ZFHX2: variants seen among roughly 807,000 people sequenced by gnomAD.
ZFHX2 encodes the protein zinc finger homeobox protein 2.
A neutral mutation model predicts 164.8 loss-of-function variants in ZFHX2; 75 were observed. The ratio of observed to expected loss-of-function variants is 0.46; its 90% CI spans 0.38 to 0.55. ZFHX2 has a LOEUF of 0.55. Ranked by LOEUF, ZFHX2 falls within the 20% of genes least tolerant of loss-of-function variation. The pLI, the probability that ZFHX2 is intolerant of heterozygous loss-of-function variation, is 0.00. For missense variants in ZFHX2, 2,933 were observed against 3,308.0 expected, an observed-to-expected ratio of 0.89 and a Z score of 2.78; for synonymous variants, 1,217 against 1,351.4, an observed-to-expected ratio of 0.90 and a Z score of 2.18.
intron 1 of ZFHX2, among the ~76,000 whole-genome samples, chr14:23,550,564 C>G (rs1881843012): frequency 6.6e-6 from 1 of 152,134 alleles, no homozygotes; most frequent in South Asian, 2.1e-4. Context: ...AACAGCAAAA[C>G]CAAAAGTCAG....
chr14:23,525,880 T>C lies in ZFHX2; in HGVS notation c.4062A>G (p.Ser1354=). 4.8e-6 allele frequency: 7 copies of C among 1,444,594 alleles called. No homozygotes were observed. The highest frequency in any genetic ancestry group is 6.3e-6 in the Non-Finnish European group (7 of 1,107,778). The allele number at this position is 1,444,594 out of a possible 1,614,324, so 89.5% of individuals were successfully genotyped here. A position where few individuals can be genotyped will look rare whatever the true frequency, so the allele number is the denominator to read the frequency against. ...GCTGCTGCTGCTGGAGCTTAAGCAG[T>C]GATTCGGGCACCAGAGGGAAGGGGG... is the stretch of plus-strand genomic sequence containing the variant. The part of the protein sequence containing the change: ...VLPPFPLVPE[S]LLKLQQQQLL... Residue 1354 remains serine (S), a synonymous_variant, in exon 9 of 10, where the codon TCA becomes TCG. Coordinates refer to ENST00000419474, the MANE Select transcript of ZFHX2 (RefSeq NM_033400.3). The surrounding 1 kb of genome is among the most constrained non-coding windows in gnomAD (Gnocchi z 5.9).
rs1483635009 is a variant in ZFHX2 at position 23,535,680 on chromosome 14, C to T, written c.-49-306G>A. Among the ~76,000 whole-genome samples, 1 of 152,056 alleles carries T rather than the reference C, an allele frequency of 6.6e-6. No homozygotes were observed. Among genetic ancestry groups the T allele is most frequent in the East Asian group, 1.9e-4 (1 of 5,194 alleles). ...TGATCTCGGCTCACCGCAACCTCCA[C>T]CTCCTGGGTTCAAGTGATTCTCCTG... On this transcript the variant is annotated intron_variant, in intron 1 of 9. Coordinates refer to ENST00000419474, the MANE Select transcript of ZFHX2 (RefSeq NM_033400.3). This position sits in a 1 kb window ranked among gnomAD's most constrained non-coding sequence, Gnocchi z 4.5.
rs749177898 is a variant in ZFHX2 at position 23,526,621 on chromosome 14, G to A, written c.3321C>T (p.Ala1107=). 2.0e-6 allele frequency: 3 copies of A among 1,535,870 alleles called. No homozygotes were observed. The highest frequency in any genetic ancestry group is 2.6e-6 in the Non-Finnish European group (3 of 1,146,870). The change falls in exon 9 of 10, where the codon GCC becomes GCT. Residue 1107 remains alanine (A), a synonymous_variant. Coordinates refer to ENST00000419474, the MANE Select transcript of ZFHX2 (RefSeq NM_033400.3). ...AGGGTTTGTCTGGGACCTCAACTGA[G>A]GCCAGGGGAGGCTCAGGAAGAGGAT... is the stretch of plus-strand genomic sequence containing the variant. ...SPDPLPEPPL[A]SVEVPDKPSG... is the part of the protein sequence containing the mutation.
chr14:23,550,657 A>C (rs1479743261), intron 1 of ZFHX2, among the ~76,000 whole-genome samples: 1 of 152,148 alleles, frequency 6.6e-6, no homozygotes, highest in Non-Finnish European at 1.5e-5. Context: ...GGCTGCTCAG[A>C]GGGGCAGACG....
At chr14:23,527,900 C>CA in intron 6 of ZFHX2, 96 bp from the exon 7 acceptor site, 1 of 808,460 alleles carries the variant, frequency 1.2e-6, no homozygotes, top group Non-Finnish European at 1.8e-6. Flanking sequence ...CGCCCCCACT[C>CA]CTTTTTTTTT....
chr14:23,535,153 C>A lies in ZFHX2; in HGVS notation c.173G>T (p.Gly58Val), dbSNP rs990156223. 2 of 1,535,882 alleles carry A rather than the reference C, an allele frequency of 1.3e-6. No individual in the cohort carries two copies. The highest frequency in any genetic ancestry group is 2.4e-5 in the East Asian group (1 of 40,898). ...SENMRSSEPG[G>V]QLLESGCGLV... ...GCCACAGCCCGACTCCAGGAGCTGTCCCCCTGGCTCTGAGGACCTCATGTT... is the reference window on the plus strand; with the variant it reads ...GCCACAGCCCGACTCCAGGAGCTGTACCCCTGGCTCTGAGGACCTCATGTT... Residue 58 changes from glycine (G) to valine (V), a missense_variant, in exon 2 of 10, where the codon GGA becomes GTA. Coordinates refer to ENST00000419474, the MANE Select transcript of ZFHX2 (RefSeq NM_033400.3). The surrounding 1 kb of genome is among the most constrained non-coding windows in gnomAD (Gnocchi z 4.5).
In ZFHX2 at chr14:23,524,399, CCCCCTGCTT is replaced by C; in HGVS notation, c.5534_5542del (p.Glu1845_Gly1847del). 1 of 1,536,220 alleles carries C rather than the reference CCCCCTGCTT, an allele frequency of 6.5e-7. No individual in the cohort carries two copies. The highest frequency in any genetic ancestry group is 8.7e-7 in the Non-Finnish European group (1 of 1,146,898). On this transcript the variant is annotated inframe_deletion, in exon 9 of 10. Transcript: ENST00000419474. This position sits in a 1 kb window ranked among gnomAD's most constrained non-coding sequence, Gnocchi z 5.6. Reference sequence around the variant, plus strand: ...CCTGGGGGGCTCGCCCTCCCCTCCTCCCCCTGCTTCACTGCCTGTGGGAGACAAGCTGCC... The same window carrying C: ...CCTGGGGGGCTCGCCCTCCCCTCCTCCACTGCCTGTGGGAGACAAGCTGCC...
intron 4 of ZFHX2, 21 bp downstream of exon 4, chr14:23,531,460 C>A: frequency 7.2e-7 from 1 of 1,389,234 alleles, no homozygotes; most frequent in South Asian, 1.6e-5. Flanking sequence ...AGCTCTTATT[C>A]TCCAGTCCCT....
In ZFHX2 at chr14:23,524,535, G is replaced by A. The variant is rs933053923; in HGVS notation, c.5407C>T (p.Gln1803Ter). The A allele has an allele frequency of 6.6e-7, 1 of 1,525,350 alleles. No homozygotes were observed. Among genetic ancestry groups the A allele is most frequent in the South Asian group, 1.2e-5 (1 of 81,826 alleles). The allele number at this position is 1,525,350 out of a possible 1,614,324, so 94.5% of individuals were successfully genotyped here. A position where few individuals can be genotyped will look rare whatever the true frequency, so the allele number is the denominator to read the frequency against. Residue 1803 changes from glutamine to a stop codon, truncating the protein, a stop_gained, in exon 9 of 10, where the codon CAA becomes TAA. Coordinates refer to ENST00000419474, the MANE Select transcript of ZFHX2 (RefSeq NM_033400.3). LOFTEE classifies it high-confidence loss of function. This position sits in a 1 kb window ranked among gnomAD's most constrained non-coding sequence, Gnocchi z 5.6. ...LPSLQPSAPPQLLDLPLLVFG... is the reference protein window; with the variant it reads ...LPSLQPSAPP ...ACCAGCAAGGGCAGATCTAGGAGTT[G>A]GGGGGGAGCACTGGGCTGCAGAGAT... is the stretch of plus-strand genomic sequence containing the variant.
upstream of ZFHX2, among the ~76,000 whole-genome samples, chr14:23,552,250 T>C (rs1302033678): frequency 6.6e-6 from 1 of 151,400 alleles, no homozygotes; most frequent in Non-Finnish European, 1.5e-5. Context: ...TTCGGGCTCC[T>C]CCTCATCTTC....
chr14:23,533,655 G>T lies in ZFHX2; in HGVS notation c.1671C>A (p.Ser557=). Residue 557 remains serine (S), a synonymous_variant, in exon 2 of 10, where the codon TCC becomes TCA. Transcript: ENST00000419474. This position sits in a 1 kb window ranked among gnomAD's most constrained non-coding sequence, Gnocchi z 4.8. ...GSPPEASLPP[S]AGDKEPKTKS... ...TGGTCTTAGGCTCTTTGTCTCCCGC[G>T]GAGGGTGGGAGTGATGCCTCTGGTG... The T allele has an allele frequency of 9.8e-6, 15 of 1,537,216 alleles. No homozygotes were observed. Among genetic ancestry groups the T allele is most frequent in the Non-Finnish European group, 1.3e-5 (15 of 1,147,224 alleles).
chr14:23,524,541 GAGC>G lies in ZFHX2; in HGVS notation c.5398_5400del (p.Ala1800del). The G allele has an allele frequency of 6.5e-7, 1 of 1,527,714 alleles. No homozygotes were observed. 94.6% of individuals were successfully genotyped at this position (1,527,714 alleles called of 1,614,324 possible). A position where few individuals can be genotyped will look rare whatever the true frequency, so the allele number is the denominator to read the frequency against. ...AAGGGCAGATCTAGGAGTTGGGGGG[GAGC>G]ACTGGGCTGCAGAGATGGCAGGAAA... On this transcript the variant is annotated inframe_deletion, in exon 9 of 10. Transcript: ENST00000419474. The surrounding 1 kb of genome is among the most constrained non-coding windows in gnomAD (Gnocchi z 5.6).
rs1046530547 is a variant in ZFHX2, at chr14:23,527,757, C to T, written c.2982G>A (p.Gln994=). 1.1e-5 allele frequency: 17 copies of T among 1,536,044 alleles called. No homozygotes were observed. Among genetic ancestry groups the T allele is most frequent in the Non-Finnish European group, 1.5e-5 (17 of 1,146,934 alleles). Residue 994 remains glutamine, a synonymous_variant, in exon 7 of 10, where the codon CAG becomes CAA. Coordinates refer to ENST00000419474, the MANE Select transcript of ZFHX2 (RefSeq NM_033400.3). ...GCTGGGAGAGTGTATGAGCCCTCAC[C>T]TGGCTGGACTCTGGGCTCAGGAAGC... is the stretch of plus-strand genomic sequence containing the variant. ...YCSFLSPESS[Q]VRAHTLSQHA...
Position 23,522,081 on chromosome 14 carries a change from T to C in ZFHX2, c.7600A>G (p.Ile2534Val), listed in dbSNP as rs1261807918. ...GAGGCAGCAGTGGCGGCGTTGGTGA[T>C]GGAGATGGGTGGGCCCCCTTGAGGT... ...APPQGGPPIS[I>V]TNAATAASAA... The change falls in exon 10 of 10, where the codon ATC becomes GTC. Residue 2534 changes from isoleucine (I) to valine (V), a missense_variant. Physicochemically the swap from Ile to Val is conservative, Grantham distance 29 (BLOSUM62 3). Coordinates refer to ENST00000419474, the MANE Select transcript of ZFHX2 (RefSeq NM_033400.3). 7.8e-6 allele frequency: 12 copies of C among 1,536,098 alleles called. No homozygotes were observed. Among genetic ancestry groups the C allele is most frequent in the African/African-American group, 1.4e-5 (1 of 73,048 alleles).
chr14:23,554,561 T>C (rs2138968213), upstream of ZFHX2, among the ~76,000 whole-genome samples: 1 of 151,884 alleles, frequency 6.6e-6, no homozygotes, highest in Admixed American at 6.6e-5. Context: ...TTTTTTTTTT[T>C]TTTTTTTGTA....
Position 23,533,652 on chromosome 14 carries a change from C to T in ZFHX2, c.1674G>A (p.Ala558=), listed in dbSNP as rs546972533. ...ATTTGGTCTTAGGCTCTTTGTCTCCCGCGGAGGGTGGGAGTGATGCCTCTG... is the reference window on the plus strand; with the variant it reads ...ATTTGGTCTTAGGCTCTTTGTCTCCTGCGGAGGGTGGGAGTGATGCCTCTG... The part of the protein sequence containing the change: ...SPPEASLPPS[A]GDKEPKTKSS... The change falls in exon 2 of 10, where the codon GCG becomes GCA. Residue 558 remains alanine (A), a synonymous_variant. Transcript: ENST00000419474. The surrounding 1 kb of genome is among the most constrained non-coding windows in gnomAD (Gnocchi z 4.8). 3.3e-5 allele frequency: 51 copies of T among 1,537,092 alleles called. No individual in the cohort carries two copies. In the East Asian group the frequency reaches 1.1e-3, roughly 33 times the overall value.
In ZFHX2 at chr14:23,524,027, G is replaced by A. The variant is rs780187038; in HGVS notation, c.5915C>T (p.Thr1972Met). The change falls in exon 9 of 10, where the codon ACG becomes ATG. Residue 1972 changes from threonine (T) to methionine (M), a missense_variant. Transcript: ENST00000419474. The surrounding 1 kb of genome is among the most constrained non-coding windows in gnomAD (Gnocchi z 5.6). ...GAAAGGCTGGGGCCCAGAAGCAAGC[G>A]TGGCAGTGGGGTAGGGAAAAGCAGG... ...EAPAFPYPTA[T>M]LASGPQPFLP... 21 of 1,514,214 alleles carry A rather than the reference G, an allele frequency of 1.4e-5. No individual in the cohort carries two copies. The highest frequency in any genetic ancestry group is 8.7e-5 in the South Asian group (7 of 80,902). 93.8% of individuals were successfully genotyped at this position (1,514,214 alleles called of 1,614,324 possible).
rs1878782311 is a variant in ZFHX2 at position 23,526,838 on chromosome 14, A to T, written c.3262+9T>A. 1 of 1,526,542 alleles carries T rather than the reference A, an allele frequency of 6.6e-7. No individual in the cohort carries two copies. The allele number at this position is 1,526,542 out of a possible 1,614,324, so 94.6% of individuals were successfully genotyped here. ...GGTACCTTGGGAGGTTTGCTGTTCC[A>T]TTCCTTACCTGCTGCCTGGTCTCTG... On this transcript the variant is annotated intron_variant, in intron 8 of 9. Coordinates refer to ENST00000419474, the MANE Select transcript of ZFHX2 (RefSeq NM_033400.3).
In ZFHX2 at chr14:23,533,610, C is replaced by A; in HGVS notation, c.1716G>T (p.Lys572Asn). ...AGATGTTTGTCTCGTAGCTGCACAC[C>A]TTGCACTGCCAGGATGATTTGGTCT... ...EPKTKSSWQC[K>N]VCSYETNISR... The change falls in exon 2 of 10, where the codon AAG (lysine) becomes AAT (asparagine). Residue 572 changes from lysine (K) to asparagine (N), a missense_variant. Physicochemically the swap from Lys to Asn is moderately conservative, Grantham distance 94. Transcript: ENST00000419474. The surrounding 1 kb of genome is among the most constrained non-coding windows in gnomAD (Gnocchi z 4.8). 6.5e-7 allele frequency: 1 copy of A among 1,536,824 alleles called. No individual in the cohort carries two copies. The highest frequency in any genetic ancestry group is 1.2e-5 in the South Asian group (1 of 84,064).
Sources: gnomAD v4.1 joint callset for allele counts (sites outside exome capture counted in the v4.1 genomes callset) on GRCh38, gnomAD v4.1.1 for gene constraint, Gnocchi (gnomAD v3.1) non-coding constraint, MANE v1.5 for transcripts, NCBI Gene and HGNC (gene_info 2026-07-23, HGNC 2026-07-21) for gene names.